The following RANBP9 variants were observed in gnomAD, a reference collection of about 807,000 sequenced individuals.
RANBP9 encodes the protein RAN binding protein 9.
In RANBP9, 15 loss-of-function variants were observed where a neutral mutation model predicts 84.3. The observed-to-expected ratio is 0.18, with a 90% CI of 0.12 to 0.27. The LOEUF (loss-of-function observed/expected upper bound fraction) is 0.27. Ranked by LOEUF, RANBP9 falls within the 10% of genes least tolerant of loss-of-function variation. The pLI, the probability that RANBP9 is intolerant of heterozygous loss-of-function variation, is 1.00. For missense variants in RANBP9, 809 were observed against 912.8 expected (o/e 0.89, Z 1.46); for synonymous variants, 392 against 349.6 (o/e 1.12, Z -1.35).
chr6:13,662,753 C>T (rs1765560757), intron 2 of RANBP9, among the ~76,000 whole-genome samples: 1 of 152,132 alleles, frequency 6.6e-6, no homozygotes, highest in African/African-American at 2.4e-5. Context: ...AATAAATTAC[C>T]CGGCCTAAGG....
intron 2 of RANBP9, among the ~76,000 whole-genome samples, chr6:13,668,224 A>G (rs1157040525): frequency 6.6e-6 from 1 of 152,070 alleles, no homozygotes; most frequent in African/African-American, 2.4e-5. Context: ...AAAGACACAA[A>G]CTACTGAAAC....
intron 2 of RANBP9, among the ~76,000 whole-genome samples, chr6:13,690,454 C>T (rs2113347041): frequency 6.6e-6 from 1 of 152,154 alleles, no homozygotes; most frequent in East Asian, 1.9e-4. Flanking sequence ...CCTTTGTTCT[C>T]CTCCCCCGCC....
At position 13,642,544 on chromosome 6, in the gene RANBP9, T is replaced by A; in HGVS notation, c.1160A>T (p.Glu387Val). ...LVHHGYCATA[E>V]AFARSTDQTV... ...CTGGTCTGTAGATCTGGCAAAGGCC[T>A]CTGCTGTGGCACAGTACCCATGGTG... is the stretch of plus-strand genomic sequence containing the variant. Residue 387 changes from glutamate (E) to valine (V), a missense_variant, in exon 7 of 14, where the codon GAG becomes GTG. Coordinates refer to ENST00000011619, the MANE Select transcript of RANBP9 (RefSeq NM_005493.3). The A allele has an allele frequency of 6.2e-7, 1 of 1,612,202 alleles. No homozygotes were observed. Among genetic ancestry groups the A allele is most frequent in the Non-Finnish European group, 8.5e-7 (1 of 1,178,708 alleles).
intron 2 of RANBP9, among the ~76,000 whole-genome samples, chr6:13,693,924 T>A (rs1436633134): frequency 6.6e-6 from 1 of 151,930 alleles, no homozygotes; most frequent in Non-Finnish European, 1.5e-5. Flanking sequence ...GCGCCTGTAA[T>A]CCCAGCTACT....
At chr6:13,652,069 C>T (rs1765310868) in intron 5 of RANBP9, among the ~76,000 whole-genome samples, 1 of 152,212 alleles carries the variant, frequency 6.6e-6, no homozygotes, top group Non-Finnish European at 1.5e-5. Context: ...GCTCAAGTCT[C>T]ACCTTGAGCA....
chr6:13,639,522 A>C, intron 9 of RANBP9, 41 bp downstream of exon 9: 1 of 1,540,820 alleles, frequency 6.5e-7, no homozygotes, highest in African/African-American at 1.4e-5. Flanking sequence ...AAGATTATAA[A>C]GAGGAAAAAT....
intron 1 of RANBP9, among the ~76,000 whole-genome samples, chr6:13,710,388 G>A (rs975232488): frequency 3.3e-5 from 5 of 152,002 alleles, no homozygotes; most frequent in Admixed American, 6.5e-5. Flanking sequence ...AAAATATATT[G>A]ATGGCAAACT....
chr6:13,708,185 G>A (rs1758176786), intron 1 of RANBP9, among the ~76,000 whole-genome samples: 2 of 152,134 alleles, frequency 1.3e-5, no homozygotes, highest in East Asian at 3.8e-4. Flanking sequence ...ACTTTGGGAT[G>A]CCAAGGTGGG....
chr6:13,679,240 G>T (rs969729171), intron 2 of RANBP9, among the ~76,000 whole-genome samples: 2 of 152,214 alleles, frequency 1.3e-5, no homozygotes, highest in Non-Finnish European at 2.9e-5. Context: ...TTCTTCAGCT[G>T]CATCTTTCTC....
At chr6:13,622,851 A>G (rs184076689) in intron 13 of RANBP9, among the ~76,000 whole-genome samples, 1 of 152,368 alleles carries the variant, frequency 6.6e-6, no homozygotes, top group African/African-American at 2.4e-5. Flanking sequence ...AAGTCAGTTG[A>G]TACTAACTAA....
At chr6:13,701,372 T>C (rs1044370004) in intron 1 of RANBP9, among the ~76,000 whole-genome samples, 13 of 152,336 alleles carry the variant, frequency 8.5e-5, no homozygotes, top group Admixed American at 2.6e-4. Flanking sequence ...TGTTGTCAGC[T>C]TATTCCCTAT....
In RANBP9 at chr6:13,643,059, G is replaced by A. The variant is rs9395939; in HGVS notation, c.1113-468C>T. Among the ~76,000 whole-genome samples the A allele has an allele frequency of 6.4e-3, 975 of 152,156 alleles. 26 individuals are homozygous for A. In the East Asian group the frequency reaches 0.08, roughly 12 times the overall value. On this transcript the variant is annotated intron_variant, in intron 6 of 13. Coordinates refer to ENST00000011619, the MANE Select transcript of RANBP9 (RefSeq NM_005493.3). The stretch of plus-strand genomic sequence containing the variant: ...AGTTCAACCATCTTCTTTACACACC[G>A]GTTAAATGAAGTGGGATCACAAAGT...
intron 10 of RANBP9, among the ~76,000 whole-genome samples, chr6:13,635,453 TA>T (rs1055661308): frequency 6.6e-6 from 1 of 151,890 alleles, no homozygotes; most frequent in African/African-American, 2.4e-5. Context: ...AATGCTTAGA[TA>T]AAAATGACAT....
chr6:13,637,765 C>T (rs1404812015), intron 10 of RANBP9, 43 bp downstream of exon 10: 7 of 1,485,120 alleles, frequency 4.7e-6, no homozygotes, highest in Non-Finnish European at 6.3e-6. Context: ...ACACCTATAA[C>T]TAGGTTGCTT....
intron 2 of RANBP9, among the ~76,000 whole-genome samples, chr6:13,693,251 C>A (rs535660110): frequency 2.0e-5 from 3 of 152,244 alleles, no homozygotes; most frequent in Admixed American, 2.0e-4. Context: ...CATGCGTAGT[C>A]AGAGAACTCC....
rs773076004 is a variant in RANBP9 at position 13,625,696 on chromosome 6, A to G, written c.2016T>C (p.Ile672=). The change falls in exon 13 of 14, where the codon ATT becomes ATC. Residue 672 remains isoleucine, a synonymous_variant. Coordinates refer to ENST00000011619, the MANE Select transcript of RANBP9 (RefSeq NM_005493.3). ...NSPVGNQLDP[I]QREPVCSALN... ...GAGCTGAGCACACAGGTTCTCTCTG[A>G]ATCGGGTCAAGCTGATTTCCAACTG... The G allele has an allele frequency of 6.2e-7, 1 of 1,613,316 alleles. No individual in the cohort carries two copies. Among genetic ancestry groups the G allele is most frequent in the Non-Finnish European group, 8.5e-7 (1 of 1,179,278 alleles).
chr6:13,701,784 C>A (rs1190206865), intron 1 of RANBP9, among the ~76,000 whole-genome samples: 1 of 151,134 alleles, frequency 6.6e-6, no homozygotes, highest in Non-Finnish European at 1.5e-5. Flanking sequence ...AAAAAAAAAC[C>A]AAAAAAACAA....
At chr6:13,685,976 T>C (rs1230955935) in intron 2 of RANBP9, among the ~76,000 whole-genome samples, 1 of 150,958 alleles carries the variant, frequency 6.6e-6, no homozygotes, top group Non-Finnish European at 1.5e-5. Context: ...TAAGTGTATA[T>C]ATAAAATCCG....
intron 3 of RANBP9, among the ~76,000 whole-genome samples, chr6:13,658,513 G>A (rs1164648117): frequency 6.6e-6 from 1 of 152,086 alleles, no homozygotes; most frequent in Non-Finnish European, 1.5e-5. Flanking sequence ...GGAGGCTGAG[G>A]GCAGGAAAAC....
Sources: allele counts gnomAD v4.1 joint callset (sites outside exome capture counted in the v4.1 genomes callset), GRCh38; gene constraint gnomAD v4.1.1; transcripts MANE v1.5; gene names NCBI Gene and HGNC (gene_info 2026-07-23, HGNC 2026-07-21).